The following DAB2IP variants were observed in gnomAD, a reference collection of about 807,000 sequenced individuals.
DAB2IP encodes disabled homolog 2-interacting protein.
DAB2IP carries 28 observed loss-of-function variants against 107.2 expected under a neutral mutation model. The ratio of observed to expected loss-of-function variants is 0.26; its 90% CI spans 0.19 to 0.36. DAB2IP has a LOEUF of 0.36. Among genes scored for constraint, DAB2IP ranks in the 10% least tolerant of loss-of-function variants. The pLI is 1.00. For missense variants in DAB2IP, 1,400 were observed against 1,644.7 expected, an observed-to-expected ratio of 0.85 and a Z score of 2.57; for synonymous variants, 755 against 706.4, an observed-to-expected ratio of 1.07 and a Z score of -1.09.
intron 1 of DAB2IP, among the ~76,000 whole-genome samples, chr9:121,585,670 C>A (rs190902986): frequency 1.5e-4 from 23 of 152,156 alleles, no homozygotes; most frequent in Admixed American, 6.5e-4. Context: ...CCAGCCAGGG[C>A]AGCAAGATCC....
chr9:121,605,320 C>T (rs752930615), intron 1 of DAB2IP, among the ~76,000 whole-genome samples: 6 of 152,090 alleles, frequency 3.9e-5, no homozygotes, highest in Non-Finnish European at 8.8e-5. Context: ...TGCCCGGTCC[C>T]ATCATTTGGA....
chr9:121,647,866 A>ATT (rs1271426806), upstream of DAB2IP, among the ~76,000 whole-genome samples: 1 of 149,890 alleles, frequency 6.7e-6, no homozygotes. Context: ...ACATATACGT[A>ATT]TTATATATAT....
chr9:121,654,201 G>T (rs185039779), intron 1 of DAB2IP, among the ~76,000 whole-genome samples: 1 of 152,044 alleles, frequency 6.6e-6, no homozygotes, highest in Admixed American at 6.6e-5. Flanking sequence ...AACAGACTGC[G>T]CAGTCAGGGA....
At chr9:121,755,397 G>A (rs1833406640) in intron 3 of DAB2IP, among the ~76,000 whole-genome samples, 3 of 152,252 alleles carry the variant, frequency 2.0e-5, no homozygotes, top group South Asian at 4.1e-4. Flanking sequence ...TGGGAGTTGG[G>A]GAGGGTTCCC....
chr9:121,617,856 G>C (rs1471344196), intron 1 of DAB2IP, among the ~76,000 whole-genome samples: 1 of 152,342 alleles, frequency 6.6e-6, no homozygotes, highest in East Asian at 1.9e-4. Context: ...GAAGAGCGGG[G>C]TGCGTACTCA....
chr9:121,640,058 G>A (rs1832225897), intron 1 of DAB2IP, among the ~76,000 whole-genome samples: 1 of 152,206 alleles, frequency 6.6e-6, no homozygotes, highest in South Asian at 2.1e-4. Flanking sequence ...CAGAGGGCAT[G>A]GGGTCGGCTG....
intron 3 of DAB2IP, among the ~76,000 whole-genome samples, chr9:121,700,425 C>T (rs1829710111): frequency 6.6e-6 from 1 of 152,182 alleles, no homozygotes. Context: ...ATTCCAGTGC[C>T]AGTTAGAACA....
chr9:121,745,947 CTT>C (rs1832693558), intron 3 of DAB2IP, among the ~76,000 whole-genome samples: 1 of 152,180 alleles, frequency 6.6e-6, no homozygotes, highest in Non-Finnish European at 1.5e-5. Flanking sequence ...TTGTCCATCT[CTT>C]CTTAAATGGG....
At chr9:121,650,429 C>T (rs1252762557), upstream of DAB2IP, among the ~76,000 whole-genome samples, 1 of 152,228 alleles carries the variant, frequency 6.6e-6, no homozygotes, top group Admixed American at 6.5e-5. Context: ...TCTGCCCAGA[C>T]GGCCCCGCCC....
chr9:121,646,517 C>G (rs892207086), intron 1 of DAB2IP, among the ~76,000 whole-genome samples: 2 of 136,690 alleles, frequency 1.5e-5, no homozygotes, highest in Admixed American at 7.3e-5. Flanking sequence ...CTCTGTCCCC[C>G]CCACCCCCAC....
chr9:121,643,930 C>A (rs1421729100), intron 1 of DAB2IP, among the ~76,000 whole-genome samples: 1 of 152,158 alleles, frequency 6.6e-6, no homozygotes, highest in East Asian at 1.9e-4. Flanking sequence ...TGCTTTGGGA[C>A]AATAAGGTGG....
chr9:121,658,790 C>T (rs1019660150), intron 1 of DAB2IP, among the ~76,000 whole-genome samples: 12 of 152,196 alleles, frequency 7.9e-5, no homozygotes, highest in African/African-American at 2.7e-4. Flanking sequence ...CTTGGAAATG[C>T]GGCGGTGCTC....
intron 1 of DAB2IP, among the ~76,000 whole-genome samples, chr9:121,653,432 A>C (rs1832842724): frequency 6.6e-6 from 1 of 152,084 alleles, no homozygotes; most frequent in African/African-American, 2.4e-5. Flanking sequence ...TTGGTCTGGG[A>C]GACCGGGAAT....
exon 9 of DAB2IP, chr9:121,766,519 G>T: frequency 6.2e-7 from 1 of 1,609,756 alleles, no homozygotes; most frequent in South Asian, 1.1e-5. Flanking sequence ...GTTGAAAGAG[G>T]TGTTTGCCTC....
chr9:121,621,934 T>G (rs1831482913), intron 1 of DAB2IP, among the ~76,000 whole-genome samples: 3 of 151,126 alleles, frequency 2.0e-5, no homozygotes, highest in Admixed American at 2.0e-4. Flanking sequence ...GGATTACAGA[T>G]GTGAGCCACC....
chr9:121,571,239 A>G (rs1184864801), intron 1 of DAB2IP, among the ~76,000 whole-genome samples: 1 of 152,126 alleles, frequency 6.6e-6, no homozygotes, highest in Non-Finnish European at 1.5e-5. Context: ...TGCACTACAC[A>G]TTATTGCATG....
At chr9:121,571,011 C>T (rs886100977) in intron 1 of DAB2IP, among the ~76,000 whole-genome samples, 7 of 152,060 alleles carry the variant, frequency 4.6e-5, no homozygotes, top group African/African-American at 1.5e-4. Flanking sequence ...CTCACTCCCT[C>T]GCTTCCCGCC....
intron 2 of DAB2IP, among the ~76,000 whole-genome samples, chr9:121,687,952 G>C (rs973083138): frequency 2.0e-5 from 3 of 152,172 alleles, no homozygotes; most frequent in African/African-American, 7.2e-5. Flanking sequence ...CACACGGCTT[G>C]CAGGGACAGA....
upstream of DAB2IP, among the ~76,000 whole-genome samples, chr9:121,647,310 T>C (rs978921282): frequency 9.2e-5 from 14 of 152,186 alleles, no homozygotes; most frequent in Non-Finnish European, 1.8e-4. Flanking sequence ...TGTCTTAAGA[T>C]TGGAGGAAAC....
Sources: gnomAD v4.1 joint callset for allele counts (sites outside exome capture counted in the v4.1 genomes callset) on GRCh38, gnomAD v4.1.1 for gene constraint, MANE v1.5 for transcripts, NCBI Gene and HGNC (gene_info 2026-07-23, HGNC 2026-07-21) for gene names.